Variants in ALDH1A2 observed in about 807,000 individuals in gnomAD.
ALDH1A2 encodes aldehyde dehydrogenase 1 family member A2.
In ALDH1A2, 27 loss-of-function variants were observed where a neutral mutation model predicts 60.3. That is an observed-to-expected ratio of 0.45 (90% CI 0.33 to 0.62). ALDH1A2 has a LOEUF of 0.62. ALDH1A2 is among the 20% of genes least tolerant of loss of function. The pLI is 0.02. For synonymous variants in ALDH1A2, 289 were observed against 232.4 expected, an observed-to-expected ratio of 1.24 and a Z score of -2.21; for missense variants, 581 against 643.8, an observed-to-expected ratio of 0.90 and a Z score of 1.06.
chr15:58,051,466 A>T (rs1380373808), intron 1 of ALDH1A2, among the ~76,000 whole-genome samples: 1 of 152,118 alleles, frequency 6.6e-6, no homozygotes, highest in African/African-American at 2.4e-5. Flanking sequence ...TTGCCATTTA[A>T]ACACAACATT....
Position 57,961,098 on chromosome 15 carries a change from C to T in ALDH1A2, c.1409+39G>A. ...GTTTATTTCACCCTGGTCCCTATAC[C>T]ACCAGTGGAATTTGTTACAAGACTG... On this transcript the variant is annotated intron_variant, in intron 11 of 12. Coordinates refer to ENST00000249750, the MANE Select transcript of ALDH1A2 (RefSeq NM_003888.4). The T allele has an allele frequency of 1.9e-6, 3 of 1,611,158 alleles. No individual in the cohort carries two copies. In the African/African-American group the frequency reaches 4.0e-5, roughly 21 times the overall value.
At chr15:57,955,558 A>C (rs1445492763) in intron 12 of ALDH1A2, among the ~76,000 whole-genome samples, 1 of 152,162 alleles carries the variant, frequency 6.6e-6, no homozygotes, top group Non-Finnish European at 1.5e-5. Flanking sequence ...ACAGGCAATG[A>C]CTCTCAATTA....
chr15:58,012,461 G>T (rs1316485775), intron 3 of ALDH1A2, among the ~76,000 whole-genome samples: 1 of 152,150 alleles, frequency 6.6e-6, no homozygotes. Context: ...ATATTGGTAT[G>T]TTAGCCAGAA....
intron 4 of ALDH1A2, among the ~76,000 whole-genome samples, chr15:58,004,890 C>G (rs1388297688): frequency 1.3e-5 from 2 of 150,990 alleles, no homozygotes; most frequent in African/African-American, 4.9e-5. Flanking sequence ...ACCGATGACA[C>G]AAATGGAAAA....
At chr15:57,992,060 A>G (rs1273181321) in intron 7 of ALDH1A2, among the ~76,000 whole-genome samples, 1 of 152,224 alleles carries the variant, frequency 6.6e-6, no homozygotes, top group Non-Finnish European at 1.5e-5. Context: ...TAGAAACAAT[A>G]AAAAGATTAG....
At chr15:57,980,576 G>C in intron 7 of ALDH1A2, 1 of 275,292 alleles carries the variant, frequency 3.6e-6, no homozygotes, top group Non-Finnish European at 7.7e-6. Context: ...GTCATATTTG[G>C]GCAGGAGCCA....
chr15:58,053,911 C>G (rs1896834890), intron 1 of ALDH1A2, among the ~76,000 whole-genome samples: 1 of 152,106 alleles, frequency 6.6e-6, no homozygotes, highest in Non-Finnish European at 1.5e-5. Flanking sequence ...TAAGAGTACA[C>G]CAATAAATAC....
intron 1 of ALDH1A2, among the ~76,000 whole-genome samples, chr15:58,034,389 A>G (rs1896323013): frequency 6.6e-6 from 1 of 151,604 alleles, no homozygotes; most frequent in African/African-American, 2.4e-5. Context: ...ATTGATTCTT[A>G]AGGATTTTCT....
chr15:58,010,873 C>T, intron 3 of ALDH1A2, 95 bp from the exon 4 acceptor site: 1 of 1,484,126 alleles, frequency 6.7e-7, no homozygotes. Flanking sequence ...AGAGAGAATA[C>T]AAATGCATAT....
At chr15:57,993,219 C>A (rs1894952852) in intron 5 of ALDH1A2, 146 bp from the exon 6 acceptor site, 2 of 1,014,880 alleles carry the variant, frequency 2.0e-6, no homozygotes, top group African/African-American at 1.6e-5. Flanking sequence ...TTTTCAATTA[C>A]TTCATTAAGA....
chr15:58,005,446 C>G (rs1340459729), intron 4 of ALDH1A2, among the ~76,000 whole-genome samples: 1 of 151,904 alleles, frequency 6.6e-6, no homozygotes, highest in Non-Finnish European at 1.5e-5. Context: ...TAAAAAAAAT[C>G]TGCTGAATAA....
At chr15:57,956,833 C>T (rs1893543014) in intron 12 of ALDH1A2, among the ~76,000 whole-genome samples, 1 of 152,032 alleles carries the variant, frequency 6.6e-6, no homozygotes, top group South Asian at 2.1e-4. Flanking sequence ...TGGGGCAGGT[C>T]GCGAGCCACA....
At chr15:57,957,770 A>C (rs1893577177) in intron 12 of ALDH1A2, among the ~76,000 whole-genome samples, 1 of 152,188 alleles carries the variant, frequency 6.6e-6, no homozygotes, top group Non-Finnish European at 1.5e-5. Context: ...ACTCACTCAG[A>C]CTTGCTCATA....
In ALDH1A2 at chr15:58,065,655, G is replaced by C. The variant is rs1345618594; in HGVS notation, c.-5C>G. On this transcript the variant is annotated 5_prime_UTR_variant, in exon 1 of 13. Coordinates refer to ENST00000249750, the MANE Select transcript of ALDH1A2 (RefSeq NM_003888.4). ...CTCTATCTTGCTGGAAGTCATGGTG[G>C]CGGGCCGGGTGTCCCTAGCCCGCGG... The C allele has an allele frequency of 1.9e-6, 3 of 1,583,460 alleles. No homozygotes were observed. Among genetic ancestry groups the C allele is most frequent in the African/African-American group, 1.3e-5 (1 of 74,198 alleles).
chr15:58,010,561 C>G (rs1895599598), intron 4 of ALDH1A2, 88 bp downstream of exon 4: 2 of 1,554,954 alleles, frequency 1.3e-6, no homozygotes, highest in African/African-American at 1.4e-5. Context: ...TATCTGTATT[C>G]TGTGTGACTG....
In ALDH1A2 at chr15:58,029,443, G is replaced by A. The variant is rs1896171704; in HGVS notation, c.118-15162C>T. 3.9e-5 allele frequency among the ~76,000 whole-genome samples: 6 copies of A among 152,206 alleles called. No individual in the cohort carries two copies. In the South Asian group the frequency reaches 1.2e-3, roughly 32 times the overall value. ...AGTAAATGCCCACAAGAGAAAGCAG[G>A]AAAGATCTAAACTCAACCCCCTAAC... is the stretch of plus-strand genomic sequence containing the variant. On this transcript the variant is annotated intron_variant, in intron 1 of 12. Coordinates refer to ENST00000249750, the MANE Select transcript of ALDH1A2 (RefSeq NM_003888.4).
intron 3 of ALDH1A2, among the ~76,000 whole-genome samples, chr15:58,011,254 C>T (rs931973966): frequency 6.6e-6 from 1 of 152,118 alleles, no homozygotes; most frequent in African/African-American, 2.4e-5. Flanking sequence ...TGGTGCACAG[C>T]AAGTTTATTT....
Position 57,964,088 on chromosome 15 carries a change from A to G in ALDH1A2, c.902-19T>C, listed in dbSNP as rs372024991. ...TAGTCCACTACAAGAGGAAACAGCCATGTTCTCACCGCTTTGCCTGGGGAG... is the reference window on the plus strand; with the variant it reads ...TAGTCCACTACAAGAGGAAACAGCCGTGTTCTCACCGCTTTGCCTGGGGAG... On this transcript the variant is annotated intron_variant, in intron 8 of 12. Coordinates refer to ENST00000249750, the MANE Select transcript of ALDH1A2 (RefSeq NM_003888.4). 2.2e-4 allele frequency: 355 copies of G among 1,613,574 alleles called. No individual in the cohort carries two copies. Among genetic ancestry groups the G allele is most frequent in the Non-Finnish European group, 3.0e-4 (349 of 1,179,958 alleles).
At chr15:58,022,529 C>CG (rs1173047216) in intron 1 of ALDH1A2, among the ~76,000 whole-genome samples, 18 of 152,218 alleles carry the variant, frequency 1.2e-4, no homozygotes, top group African/African-American at 3.9e-4. Context: ...CCACTACCTC[C>CG]GGGGGGAAAG....
Sources: allele counts gnomAD v4.1 joint callset (sites outside exome capture counted in the v4.1 genomes callset), GRCh38; gene constraint gnomAD v4.1.1; transcripts MANE v1.5; gene names NCBI Gene and HGNC (gene_info 2026-07-23, HGNC 2026-07-21).